The following RXRA variants were observed in gnomAD, a reference collection of about 807,000 sequenced individuals.
RXRA encodes retinoic acid receptor RXR-alpha.
RXRA carries 5 observed loss-of-function variants against 44.5 expected under a neutral mutation model. The ratio of observed to expected loss-of-function variants is 0.11; its 90% CI spans 0.06 to 0.24. The LOEUF (loss-of-function observed/expected upper bound fraction) is 0.24. RXRA is among the 10% of genes least tolerant of loss of function. The probability of loss-of-function intolerance (pLI) is 1.00; values close to 1 mark genes in which losing one functional copy is unlikely to be tolerated. For missense variants in RXRA, 412 were observed against 646.5 expected (o/e 0.64, Z 3.93); for synonymous variants, 291 against 271.4 (o/e 1.07, Z -0.71).
intron 1 of RXRA, among the ~76,000 whole-genome samples, chr9:134,385,039 C>T (rs909607958): frequency 4.6e-5 from 7 of 152,202 alleles, no homozygotes; most frequent in African/African-American, 9.6e-5. Context: ...GGGTGTGGGC[C>T]GTGAGTCGCT....
chr9:134,396,739 C>A (rs28739333), intron 1 of RXRA, among the ~76,000 whole-genome samples: 1 of 152,104 alleles, frequency 6.6e-6, no homozygotes, highest in Non-Finnish European at 1.5e-5. Flanking sequence ...CCATTTAGAA[C>A]GCCGTCCTTC....
intron 2 of RXRA, chr9:134,405,654 A>G (rs1831038427): frequency 6.6e-6 from 1 of 152,366 alleles, no homozygotes; most frequent in African/African-American, 2.4e-5. Flanking sequence ...ACAGCCTAGA[A>G]AGAGGAAGTG....
At chr9:134,396,588 G>C (rs1397120081) in intron 1 of RXRA, among the ~76,000 whole-genome samples, 2 of 152,098 alleles carry the variant, frequency 1.3e-5, no homozygotes, top group African/African-American at 4.8e-5. Flanking sequence ...CTCAGGACCA[G>C]CTCTCATCTG....
intron 4 of RXRA, among the ~76,000 whole-genome samples, chr9:134,414,245 C>T (rs1449730886): frequency 6.6e-6 from 1 of 152,262 alleles, no homozygotes; most frequent in Non-Finnish European, 1.5e-5. Context: ...TGCCAAGGAG[C>T]CCAGCTCCAG....
chr9:134,390,323 C>G (rs983985306), intron 1 of RXRA, among the ~76,000 whole-genome samples: 1 of 152,234 alleles, frequency 6.6e-6, no homozygotes, highest in Admixed American at 6.5e-5. Context: ...ATTGCCGTCC[C>G]TTCCACGGGT....
At chr9:134,425,113 C>T (rs986198086) in intron 6 of RXRA, 51 of 985,404 alleles carry the variant, frequency 5.2e-5, no homozygotes, top group South Asian at 9.4e-5. Context: ...GGGGAGTGTC[C>T]ACCTGTGGCT....
intron 1 of RXRA, chr9:134,380,295 C>A: frequency 1.4e-6 from 1 of 701,864 alleles, no homozygotes; most frequent in Non-Finnish European, 1.8e-6. Flanking sequence ...GGCTGGCCTG[C>A]CCGTGGCTTG....
At chr9:134,394,120 G>GTGGTAATGGTGGTGATGT in intron 1 of RXRA, among the ~76,000 whole-genome samples, 2 of 396 alleles carry the variant, frequency 5.1e-3, no homozygotes, top group African/African-American at 0.01. Flanking sequence ...GGTGGTGGTG[G>GTGGTAATGGTGGTGATGT]TGATGATGAT....
chr9:134,389,454 G>A (rs1459794635), intron 1 of RXRA, among the ~76,000 whole-genome samples: 2 of 152,002 alleles, frequency 1.3e-5, no homozygotes, highest in African/African-American at 4.8e-5. Flanking sequence ...GACTTTGGGG[G>A]TATAATGGGG....
At chr9:134,363,675 G>T (rs535215244) in intron 1 of RXRA, among the ~76,000 whole-genome samples, 2 of 152,220 alleles carry the variant, frequency 1.3e-5, no homozygotes, top group Non-Finnish European at 2.9e-5. Flanking sequence ...TGGCTGGCAC[G>T]GTTTGGCTGC....
intron 1 of RXRA, among the ~76,000 whole-genome samples, chr9:134,378,721 G>C (rs73554142): frequency 0.021 from 3,256 of 152,282 alleles, 62 homozygotes; most frequent in African/African-American, 0.048. Flanking sequence ...CGTGCCGTCC[G>C]GTTGCTCCCA....
intron 1 of RXRA, among the ~76,000 whole-genome samples, chr9:134,374,413 G>T (rs557845606): frequency 9.8e-5 from 15 of 152,338 alleles, no homozygotes; most frequent in African/African-American, 3.1e-4. Flanking sequence ...GTCCTGAGGG[G>T]TGAGGGGGTG....
chr9:134,422,469 C>G, intron 6 of RXRA: 2 of 1,252,068 alleles, frequency 1.6e-6, no homozygotes, highest in Non-Finnish European at 2.1e-6. Flanking sequence ...GGGACACACT[C>G]CCTGCTACCG....
chr9:134,378,935 G>C lies in RXRA; in HGVS notation c.29-22697G>C, dbSNP rs187411527. 7.9e-3 allele frequency among the ~76,000 whole-genome samples: 1,201 copies of C among 152,322 alleles called. 14 individuals are homozygous for C. Among genetic ancestry groups the C allele is most frequent in the African/African-American group, 0.028 (1,146 of 41,566 alleles). ...GTCAGATTGTCCTGCTTCATCCTGT[G>C]CCCGGAAGAGAGGTCCTGCTGCTGT... On this transcript the variant is annotated intron_variant, in intron 1 of 9. Coordinates refer to ENST00000481739, the MANE Select transcript of RXRA (RefSeq NM_002957.6).
chr9:134,380,019 G>T, intron 1 of RXRA: 1 of 985,410 alleles, frequency 1.0e-6, no homozygotes, highest in Non-Finnish European at 1.2e-6. Context: ...GCCCAGCAGG[G>T]GCTCCCTTTT....
intron 1 of RXRA, 35 bp downstream of exon 1, chr9:134,326,694 G>C (rs1160205037): frequency 1.1e-5 from 7 of 663,168 alleles, no homozygotes; most frequent in Non-Finnish European, 1.3e-5. Context: ...GGACGGGGCC[G>C]GGGGCCGGGG....
rs751312359 is a variant in RXRA at position 134,432,027 on chromosome 9, C to A, written c.1135+31C>A. ...GCCTTCCTGCCTTGAGGCTTCTGGC[C>A]CCGTTCTCTGGTGGGGCAGAGGTGC... On this transcript the variant is annotated intron_variant, in intron 8 of 9. Coordinates refer to ENST00000481739, the MANE Select transcript of RXRA (RefSeq NM_002957.6). 5.1e-6 allele frequency: 8 copies of A among 1,577,198 alleles called. No homozygotes were observed. The South Asian group carries it at 6.7e-5, about 13-fold the overall frequency.
chr9:134,427,181 A>C, intron 6 of RXRA: 1 of 978,570 alleles, frequency 1.0e-6, no homozygotes, highest in Non-Finnish European at 1.2e-6. Context: ...AAAAAAAAAA[A>C]AAAGAGGGTT....
At chr9:134,428,620 C>T (rs1332373399) in intron 6 of RXRA, among the ~76,000 whole-genome samples, 1 of 152,186 alleles carries the variant, frequency 6.6e-6, no homozygotes, top group African/African-American at 2.4e-5. Context: ...AACCTTCCCC[C>T]CTGGGAATCC....
Sources: allele counts gnomAD v4.1 joint callset (sites outside exome capture counted in the v4.1 genomes callset), GRCh38; gene constraint gnomAD v4.1.1; transcripts MANE v1.5; gene names NCBI Gene and HGNC (gene_info 2026-07-23, HGNC 2026-07-21).